Variants in NCOR2 observed in about 807,000 individuals in gnomAD.
NCOR2 encodes the protein nuclear receptor corepressor 2.
In NCOR2, 81 loss-of-function variants were observed where a neutral mutation model predicts 262.9. The observed-to-expected ratio is 0.31, with a 90% CI of 0.26 to 0.37. The LOEUF (loss-of-function observed/expected upper bound fraction) is 0.37, where lower values mean the gene tolerates loss of function less well. Among genes scored for constraint, NCOR2 ranks in the 10% least tolerant of loss-of-function variants. The probability of loss-of-function intolerance (pLI) is 1.00; values close to 1 mark genes in which losing one functional copy is unlikely to be tolerated. For synonymous variants in NCOR2, 1,659 were observed against 1,559.3 expected (o/e 1.06, Z -1.51); for missense variants, 3,385 against 3,621.4 (o/e 0.93, Z 1.68).
intron 13 of NCOR2, among the ~76,000 whole-genome samples, chr12:124,410,594 C>T (rs2042522280): frequency 6.6e-6 from 1 of 152,154 alleles, no homozygotes; most frequent in African/African-American, 2.4e-5. Context: ...CCATCCTGGC[C>T]CAGCCCCAAG....
At chr12:124,499,649 G>T (rs2048585844), upstream of NCOR2, among the ~76,000 whole-genome samples, 1 of 152,204 alleles carries the variant, frequency 6.6e-6, no homozygotes, top group Non-Finnish European at 1.5e-5. Flanking sequence ...GCCTGGGGGT[G>T]AGCACAGGTG....
upstream of NCOR2, among the ~76,000 whole-genome samples, chr12:124,497,319 C>T (rs1017011123): frequency 2.0e-5 from 3 of 152,202 alleles, no homozygotes; most frequent in African/African-American, 4.8e-5. This position sits in a 1 kb window ranked among gnomAD's most constrained non-coding sequence, Gnocchi z 4.2. Context: ...GGATGTATGG[C>T]GCAATTCCCG....
intron 29 of NCOR2, 24 bp downstream of exon 31, chr12:124,348,149 GA>G (rs2037106053): frequency 6.2e-7 from 1 of 1,607,110 alleles, no homozygotes; most frequent in Non-Finnish European, 8.5e-7. Flanking sequence ...GGCACCGAGA[GA>G]TGAAGTCTCC....
At chr12:124,405,433 A>C (rs1164531454) in intron 13 of NCOR2, among the ~76,000 whole-genome samples, 1 of 152,182 alleles carries the variant, frequency 6.6e-6, no homozygotes, top group Non-Finnish European at 1.5e-5. Flanking sequence ...CTTCTGGGCC[A>C]CCCTGCAGCC....
intron 17 of NCOR2, chr12:124,383,533 CAA>C (rs72488781): frequency 5.5e-3 from 2,535 of 458,550 alleles, no homozygotes; most frequent in East Asian, 0.015. Flanking sequence ...CCTTCCAACT[CAA>C]AAAAAAAAAA....
At chr12:124,414,732 AGGGT>A (rs1253766672) in intron 13 of NCOR2, among the ~76,000 whole-genome samples, 54 of 152,270 alleles carry the variant, frequency 3.5e-4, no homozygotes, top group Non-Finnish European at 4.4e-5. Flanking sequence ...CCTACCCCTG[AGGGT>A]GGGTGGGCTC....
intron 7 of NCOR2, among the ~76,000 whole-genome samples, chr12:124,446,020 A>G (rs1363185540): frequency 6.6e-6 from 1 of 152,254 alleles, no homozygotes; most frequent in African/African-American, 2.4e-5. Flanking sequence ...GTGTCCAGCC[A>G]CATGGTGGGA....
chr12:124,410,570 G>A (rs7968308), intron 13 of NCOR2, among the ~76,000 whole-genome samples: 1 of 152,030 alleles, frequency 6.6e-6, no homozygotes, highest in Non-Finnish European at 1.5e-5. Flanking sequence ...CGGCACCACC[G>A]GAAGGCTGTG....
chr12:124,407,550 T>C (rs1246365318), intron 13 of NCOR2, among the ~76,000 whole-genome samples: 2 of 152,162 alleles, frequency 1.3e-5, no homozygotes, highest in African/African-American at 4.8e-5. Flanking sequence ...GGGAGTCACA[T>C]GACCCACCCC....
Position 124,340,629 on chromosome 12 carries a change from G to A in NCOR2, c.5311C>T (p.Arg1771Cys), listed in dbSNP as rs12422607. The stretch of plus-strand genomic sequence containing the variant: ...GGGGAGAGTGGGGAGCTGCTGTGGC[G>A]GCTGCTGAAGGGCTGGGGCGCGGTG... The change falls in exon 35 of 47, where the codon CGC becomes TGC. Residue 1771 changes from arginine to cysteine, a missense_variant. By Grantham distance (180) the Arg-to-Cys change is radical (BLOSUM62 -3). Transcript: ENST00000405201. The A allele has an allele frequency of 1.9e-5, 29 of 1,495,226 alleles. No homozygotes were observed. The highest frequency in any genetic ancestry group is 1.2e-4 in the East Asian group (5 of 43,066). 92.6% of individuals were successfully genotyped at this position (1,495,226 alleles called of 1,614,324 possible).
At chr12:124,354,044 C>T (rs763167313) in intron 27 of NCOR2, 49 bp downstream of exon 29, 4 of 1,520,718 alleles carry the variant, frequency 2.6e-6, no homozygotes, top group Admixed American at 1.8e-5. Context: ...GATGGGCTGG[C>T]CCCGTGCTGG....
At chr12:124,533,432 G>A (rs1305991994) in intron 1 of NCOR2, among the ~76,000 whole-genome samples, 1 of 151,748 alleles carries the variant, frequency 6.6e-6, no homozygotes. Context: ...TCTCAGGGAG[G>A]CCTACCCTGA....
At chr12:124,431,005 C>T (rs1280122137) in intron 8 of NCOR2, among the ~76,000 whole-genome samples, 1 of 151,678 alleles carries the variant, frequency 6.6e-6, no homozygotes, top group Non-Finnish European at 1.5e-5. Context: ...CACACAGGCA[C>T]ATACAAGTCA....
chr12:124,340,175 C>CGCTGCTGCT (rs143952466), exon 37 of NCOR2: 32 of 1,553,586 alleles, frequency 2.1e-5, no homozygotes, highest in African/African-American at 5.5e-5. Context: ...CCCCCACCCC[C>CGCTGCTGCT]GCCGCTGCTG....
At chr12:124,546,932 A>G (rs1388675835) in intron 1 of NCOR2, among the ~76,000 whole-genome samples, 1 of 152,162 alleles carries the variant, frequency 6.6e-6, no homozygotes, top group Non-Finnish European at 1.5e-5. Context: ...CAATGGCCCC[A>G]AAGCACAAGA....
chr12:124,467,237 A>G (rs1259737295), intron 4 of NCOR2, among the ~76,000 whole-genome samples: 2 of 49,036 alleles, frequency 4.1e-5, no homozygotes, highest in Non-Finnish European at 7.5e-5. Context: ...CACCCCCCTC[A>G]TCTTCATCCC....
exon 42 of NCOR2, chr12:124,333,212 G>A: frequency 6.2e-7 from 1 of 1,613,226 alleles, no homozygotes; most frequent in Non-Finnish European, 8.5e-7. Context: ...ATGCCCTCCG[G>A]TGGGGACACA....
chr12:124,370,823 A>G (rs1195368028), intron 20 of NCOR2, among the ~76,000 whole-genome samples: 1 of 152,126 alleles, frequency 6.6e-6, no homozygotes, highest in Non-Finnish European at 1.5e-5. Context: ...ACACCCAAAC[A>G]GGACGACACT....
rs551942202 is a variant in NCOR2, at chr12:124,485,692, G to A, written c.233+749C>T. 4.6e-5 allele frequency among the ~76,000 whole-genome samples: 7 copies of A among 152,264 alleles called. No homozygotes were observed. In the South Asian group the frequency reaches 1.0e-3, roughly 23 times the overall value. ...TGATCTGGGGCCCTGGGACACCTCC[G>A]TGGTACCATGAAGGGCTGGGGCCTG... On this transcript the variant is annotated intron_variant, in intron 2 of 46. Transcript: ENST00000405201.
Sources: gnomAD v4.1 joint callset for allele counts (sites outside exome capture counted in the v4.1 genomes callset) on GRCh38, gnomAD v4.1.1 for gene constraint, Gnocchi (gnomAD v3.1) non-coding constraint, MANE v1.5 for transcripts, NCBI Gene and HGNC (gene_info 2026-07-23, HGNC 2026-07-21) for gene names.